FAM83G: variants seen among roughly 807,000 people sequenced by gnomAD.
FAM83G encodes the protein scaffolding CK1 anchoring protein G.
FAM83G carries 38 observed loss-of-function variants against 61.5 expected under a neutral mutation model. The observed-to-expected ratio is 0.62, with a 90% CI of 0.48 to 0.81. FAM83G has a LOEUF of 0.81. Among genes scored for constraint, FAM83G ranks in the 30% least tolerant of loss-of-function variants. The pLI, the probability that FAM83G is intolerant of heterozygous loss-of-function variation, is 0.00. For missense variants in FAM83G, 989 were observed against 1,133.6 expected (o/e 0.87, Z 1.83); for synonymous variants, 470 against 476.1 (o/e 0.99, Z 0.17).
chr17:18,981,821 T>C (rs2043141199), intron 3 of FAM83G, among the ~76,000 whole-genome samples: 1 of 152,104 alleles, frequency 6.6e-6, no homozygotes, highest in Admixed American at 6.5e-5. Context: ...AGCAGGAAGC[T>C]GGCCACGGCC....
rs987027018 is a variant in FAM83G, at chr17:18,996,309, C to T, written c.522+7211G>A. Among the ~76,000 whole-genome samples the T allele has an allele frequency of 1.3e-5, 2 of 152,144 alleles. No individual in the cohort carries two copies. The highest frequency in any genetic ancestry group is 1.5e-5 in the Non-Finnish European group (1 of 68,012). On this transcript the variant is annotated intron_variant, in intron 2 of 5. Transcript: ENST00000388995. This position sits in a 1 kb window ranked among gnomAD's most constrained non-coding sequence, Gnocchi z 4.4. ...CCTCCAGCAGCACGGTTGGGACAGA[C>T]GTGGCTGCAGCACCTCAGTTTTTCT...
In FAM83G at chr17:19,003,425, G is replaced by C; in HGVS notation, c.522+95C>G. On this transcript the variant is annotated intron_variant, in intron 2 of 5. Transcript: ENST00000388995. This position sits in a 1 kb window ranked among gnomAD's most constrained non-coding sequence, Gnocchi z 4.5. Reference sequence around the variant, plus strand: ...ACAGCAGAGATCCCTAGAAGCCCATGTTGGGCTCCCGTTTTGGGCTCTGAG... The same window carrying C: ...ACAGCAGAGATCCCTAGAAGCCCATCTTGGGCTCCCGTTTTGGGCTCTGAG... 1 of 1,333,384 alleles carries C rather than the reference G, an allele frequency of 7.5e-7. No homozygotes were observed. Among genetic ancestry groups the C allele is most frequent in the South Asian group, 1.8e-5 (1 of 55,502 alleles). 82.6% of individuals were successfully genotyped at this position (1,333,384 alleles called of 1,614,324 possible).
Position 18,991,369 on chromosome 17 carries a change from G to A in FAM83G, c.523-2955C>T, listed in dbSNP as rs181309570. On this transcript the variant is annotated intron_variant, in intron 2 of 5. Coordinates refer to ENST00000388995, the MANE Select transcript of FAM83G (RefSeq NM_001039999.3). Reference sequence around the variant, plus strand: ...CCCCATCTGTCAAATGGGGGTGTGGGCCTGGCTTGCCCCTGTGGTTCTATC... The same window carrying A: ...CCCCATCTGTCAAATGGGGGTGTGGACCTGGCTTGCCCCTGTGGTTCTATC... Among the ~76,000 whole-genome samples the A allele has an allele frequency of 3.5e-4, 54 of 152,352 alleles. 1 individual carries two copies. The highest frequency in any genetic ancestry group is 3.4e-3 in the Middle Eastern group (1 of 294).
chr17:18,983,183 C>T (rs1338793971), intron 3 of FAM83G, among the ~76,000 whole-genome samples: 2 of 152,336 alleles, frequency 1.3e-5, no homozygotes, highest in Admixed American at 6.5e-5. Context: ...TGGGCTGGGC[C>T]GGGACTGAGG....
intron 3 of FAM83G, among the ~76,000 whole-genome samples, chr17:18,984,566 AGAAACGG>A (rs879528134): frequency 6.6e-6 from 1 of 152,224 alleles, no homozygotes; most frequent in Non-Finnish European, 1.5e-5. Flanking sequence ...TTTGTTCATC[AGAAACGG>A]GAAACGGGTC....
At position 18,971,157 on chromosome 17, in the gene FAM83G, C is replaced by T. The variant is rs757187308; in HGVS notation, c.*202G>A. 1.4e-5 allele frequency: 23 copies of T among 1,613,998 alleles called. No homozygotes were observed. In the Middle Eastern group the frequency reaches 6.6e-4, roughly 46 times the overall value. ...CGAGACCCCCACACAGGGGACCTGC[C>T]GTGGACCGGGATGACCTTTGGCCTG... On this transcript the variant is annotated 3_prime_UTR_variant, in exon 6 of 6. Coordinates refer to ENST00000388995, the MANE Select transcript of FAM83G (RefSeq NM_001039999.3). The surrounding 1 kb of genome is among the most constrained non-coding windows in gnomAD (Gnocchi z 5.5).
chr17:18,977,442 T>A, intron 5 of FAM83G, 142 bp downstream of exon 5: 1 of 840,160 alleles, frequency 1.2e-6, no homozygotes, highest in Non-Finnish European at 1.8e-6. Context: ...CCCTGCCTGT[T>A]CATCAAGTTT....
intron 3 of FAM83G, among the ~76,000 whole-genome samples, chr17:18,986,755 G>A (rs914961238): frequency 2.0e-5 from 3 of 152,268 alleles, no homozygotes; most frequent in Non-Finnish European, 4.4e-5. Context: ...GCTGGGGGAA[G>A]TGCAAAGCAC....
chr17:18,978,953 C>A, intron 4 of FAM83G, 103 bp from the exon 5 acceptor site: 1 of 1,341,278 alleles, frequency 7.5e-7, no homozygotes. Context: ...GGCCACAGGG[C>A]CCTGGGATCA....
intron 3 of FAM83G, among the ~76,000 whole-genome samples, chr17:18,987,971 C>T (rs148923959): frequency 2.1e-3 from 321 of 152,372 alleles, no homozygotes; most frequent in Non-Finnish European, 3.9e-3. Context: ...TCTGAAATAA[C>T]ATGATGCAGC....
chr17:19,001,038 C>T (rs182369404), intron 2 of FAM83G, among the ~76,000 whole-genome samples: 42 of 152,274 alleles, frequency 2.8e-4, no homozygotes, highest in South Asian at 6.2e-4. Context: ...CAGGCCTGGT[C>T]CCCACCCCTC....
At position 18,977,758 on chromosome 17, in the gene FAM83G, T is replaced by G; in HGVS notation, c.1908A>C (p.Gln636His). The G allele has an allele frequency of 6.2e-7, 1 of 1,604,744 alleles. No homozygotes were observed. The highest frequency in any genetic ancestry group is 8.5e-7 in the Non-Finnish European group (1 of 1,175,680). Reference sequence around the variant, plus strand: ...GTGGTGGGGTTGGCCCGTTGGCCACTTGCTCTGAGTGGCGCCTCCGGAGAG... The same window carrying G: ...GTGGTGGGGTTGGCCCGTTGGCCACGTGCTCTGAGTGGCGCCTCCGGAGAG... ...SVPLRRRHSE[Q>H]VANGPTPPPR... Residue 636 changes from glutamine to histidine, a missense_variant, in exon 5 of 6, where the codon CAA (glutamine) becomes CAC (histidine). Physicochemically the swap from Gln to His is conservative, Grantham distance 24. Coordinates refer to ENST00000388995, the MANE Select transcript of FAM83G (RefSeq NM_001039999.3).
intron 2 of FAM83G, among the ~76,000 whole-genome samples, chr17:19,001,395 G>C (rs554745800): frequency 4.7e-4 from 72 of 152,314 alleles, no homozygotes; most frequent in African/African-American, 1.6e-3. Flanking sequence ...GACCCTTGAG[G>C]ACTCCCTGAG....
chr17:18,971,205 G>A lies in FAM83G; in HGVS notation c.*154C>T. The A allele has an allele frequency of 6.2e-7, 1 of 1,613,928 alleles. No individual in the cohort carries two copies. Among genetic ancestry groups the A allele is most frequent in the Non-Finnish European group, 8.5e-7 (1 of 1,180,036 alleles). ...CTGACCATCATGGCCACCTGGTACT[G>A]GTGCACCGACCAGGTGAGTGCCAAC... On this transcript the variant is annotated 3_prime_UTR_variant, in exon 6 of 6. Coordinates refer to ENST00000388995, the MANE Select transcript of FAM83G (RefSeq NM_001039999.3). This position sits in a 1 kb window ranked among gnomAD's most constrained non-coding sequence, Gnocchi z 5.5.
At chr17:18,991,460 G>A (rs2043422583) in intron 2 of FAM83G, among the ~76,000 whole-genome samples, 2 of 152,208 alleles carry the variant, frequency 1.3e-5, no homozygotes, top group Admixed American at 1.3e-4. Context: ...GTAGCCCCAA[G>A]CCCACACGTC....
At chr17:18,992,290 T>C (rs547166364) in intron 2 of FAM83G, among the ~76,000 whole-genome samples, 29 of 152,142 alleles carry the variant, frequency 1.9e-4, no homozygotes, top group African/African-American at 7.0e-4. Context: ...TCCGCCTCCA[T>C]GTGAGAGATG....
chr17:18,991,779 A>G (rs1344308850), intron 2 of FAM83G, among the ~76,000 whole-genome samples: 1 of 152,186 alleles, frequency 6.6e-6, no homozygotes, highest in African/African-American at 2.4e-5. Context: ...CCAGCTCCCA[A>G]GTGAAGGAGG....
intron 2 of FAM83G, among the ~76,000 whole-genome samples, chr17:18,998,103 T>TC (rs2152138668): frequency 6.6e-6 from 1 of 152,346 alleles, no homozygotes; most frequent in African/African-American, 2.4e-5. Flanking sequence ...GGCAAGGTAC[T>TC]CGAGCCCAGG....
chr17:18,970,696 C>G lies in FAM83G; in HGVS notation c.*663G>C. Reference sequence around the variant, plus strand: ...GACAATCGGAAACCTGGCTGAGAACCACTTGCCCAAGGCCGATGAGTGTCC... The same window carrying G: ...GACAATCGGAAACCTGGCTGAGAACGACTTGCCCAAGGCCGATGAGTGTCC... On this transcript the variant is annotated 3_prime_UTR_variant, in exon 6 of 6. Transcript: ENST00000388995. 2.7e-6 allele frequency: 1 copy of G among 373,826 alleles called. No homozygotes were observed. The highest frequency in any genetic ancestry group is 4.9e-6 in the Non-Finnish European group (1 of 204,520). The allele number at this position is 373,826 out of a possible 1,614,324, so 23.2% of individuals were successfully genotyped here. A position where few individuals can be genotyped will look rare whatever the true frequency, so the allele number is the denominator to read the frequency against.
Sources: gnomAD v4.1 joint callset for allele counts (sites outside exome capture counted in the v4.1 genomes callset) on GRCh38, gnomAD v4.1.1 for gene constraint, Gnocchi (gnomAD v3.1) non-coding constraint, MANE v1.5 for transcripts, NCBI Gene and HGNC (gene_info 2026-07-23, HGNC 2026-07-21) for gene names.